The following KLF13 variants were observed in gnomAD, a reference collection of about 807,000 sequenced individuals.
The protein encoded by KLF13 is KLF transcription factor 13.
A neutral mutation model predicts 16.7 loss-of-function variants in KLF13; 8 were observed. The observed-to-expected ratio is 0.48, with a 90% CI of 0.28 to 0.87. KLF13 has a LOEUF of 0.87. Among genes scored for constraint, KLF13 ranks in the 40% least tolerant of loss-of-function variants. The pLI, the probability that KLF13 is intolerant of heterozygous loss-of-function variation, is 0.10. For synonymous variants in KLF13, 245 were observed against 208.4 expected (o/e 1.18, Z -1.51); for missense variants, 447 against 452.2 (o/e 0.99, Z 0.10).
intron 1 of KLF13, 83 bp from the exon 2 acceptor site, chr15:31,371,927 T>G: frequency 7.0e-7 from 1 of 1,429,276 alleles, no homozygotes; most frequent in Non-Finnish European, 9.4e-7. Flanking sequence ...GACCAGGGTG[T>G]TGGGTGTTGC....
intron 1 of KLF13, among the ~76,000 whole-genome samples, chr15:31,329,962 C>T (rs1163313950): frequency 6.6e-6 from 1 of 152,068 alleles, no homozygotes; most frequent in East Asian, 1.9e-4. Flanking sequence ...TTACCGGTAC[C>T]CCAGGTGACC....
intron 1 of KLF13, among the ~76,000 whole-genome samples, chr15:31,355,439 G>A (rs1177640686): frequency 1.3e-5 from 2 of 152,152 alleles, no homozygotes; most frequent in Non-Finnish European, 2.9e-5. Context: ...TAGTGCATGT[G>A]GTAATACACA....
chr15:31,369,276 C>A (rs56000134), intron 1 of KLF13, among the ~76,000 whole-genome samples: 1 of 152,188 alleles, frequency 6.6e-6, no homozygotes, highest in Non-Finnish European at 1.5e-5. Flanking sequence ...GGTTCTGAAA[C>A]ATTGACAACT....
intron 1 of KLF13, among the ~76,000 whole-genome samples, chr15:31,411,690 C>T (rs575744864): frequency 1.3e-5 from 2 of 151,848 alleles, no homozygotes; most frequent in East Asian, 3.9e-4. Context: ...CAAGCATGAA[C>T]CACTGTGCCT....
At chr15:31,355,796 C>T (rs944408538) in intron 1 of KLF13, among the ~76,000 whole-genome samples, 3 of 152,034 alleles carry the variant, frequency 2.0e-5, no homozygotes, top group Admixed American at 6.5e-5. Flanking sequence ...GCCATTTCTG[C>T]TTGGTTTTCC....
At chr15:31,431,973 C>T (rs190537710) in intron 1 of KLF13, among the ~76,000 whole-genome samples, 3 of 151,782 alleles carry the variant, frequency 2.0e-5, no homozygotes, top group African/African-American at 2.4e-5. Flanking sequence ...GGGAAGGGCA[C>T]GGGGATGGAG....
chr15:31,420,453 C>G (rs751614683), intron 1 of KLF13: 5 of 850,750 alleles, frequency 5.9e-6, no homozygotes, highest in Non-Finnish European at 9.8e-6. Context: ...AACATAGACA[C>G]CCAGGGTAAC....
At chr15:31,422,712 G>A (rs993762694) in intron 1 of KLF13, among the ~76,000 whole-genome samples, 3 of 152,096 alleles carry the variant, frequency 2.0e-5, no homozygotes, top group African/African-American at 7.2e-5. Context: ...ACTGTCACAA[G>A]AGACAAAAAT....
At chr15:31,340,379 C>A (rs529812899) in intron 1 of KLF13, among the ~76,000 whole-genome samples, 1 of 152,236 alleles carries the variant, frequency 6.6e-6, no homozygotes, top group South Asian at 2.1e-4. Context: ...AGCCTCCTGG[C>A]CTTTCCAGGT....
intron 1 of KLF13, among the ~76,000 whole-genome samples, chr15:31,416,073 T>C (rs758705003): frequency 4.6e-5 from 7 of 152,030 alleles, no homozygotes; most frequent in Non-Finnish European, 1.0e-4. Context: ...AACAACAAAT[T>C]AGATAAAACT....
At chr15:31,370,456 T>C (rs1454753156) in intron 1 of KLF13, among the ~76,000 whole-genome samples, 1 of 152,012 alleles carries the variant, frequency 6.6e-6, no homozygotes, top group Non-Finnish European at 1.5e-5. Context: ...CCTTGCTCTC[T>C]TGCCCAGGCT....
Position 31,372,064 on chromosome 15 carries a change from C to A in KLF13, c.632C>A (p.Ser211Tyr). Residue 211 changes from serine (S) to tyrosine (Y), a missense_variant, in exon 2 of 2, where the codon TCC becomes TAC. This residue lies in a region of KLF13 where 88 missense variants were observed against 169.5 expected (regional missense o/e 0.52). Transcript: ENST00000307145. ...GACTGCAACAAGAAGTTCGCGCGCT[C>A]CGACGAGCTGGCGCGGCACTACCGC... ...WQDCNKKFAR[S>Y]DELARHYRTH... is the part of the protein sequence containing the mutation. 1 of 1,612,464 alleles carries A rather than the reference C, an allele frequency of 6.2e-7. No individual in the cohort carries two copies. Among genetic ancestry groups the A allele is most frequent in the Non-Finnish European group, 8.5e-7 (1 of 1,179,806 alleles).
intron 2 of KLF13, among the ~76,000 whole-genome samples, chr15:31,395,729 C>T (rs1367729266): frequency 2.0e-5 from 3 of 152,014 alleles, no homozygotes; most frequent in African/African-American, 4.8e-5. Flanking sequence ...TGCATTTCCC[C>T]GATGGCAACA....
chr15:31,347,873 G>A (rs1414568980), intron 1 of KLF13, among the ~76,000 whole-genome samples: 1 of 152,200 alleles, frequency 6.6e-6, no homozygotes, highest in Admixed American at 6.5e-5. Flanking sequence ...GAACAGGAAG[G>A]TGTGTTGTTG....
chr15:31,384,646 C>T (rs1399634898), intron 1 of KLF13, among the ~76,000 whole-genome samples: 3 of 152,122 alleles, frequency 2.0e-5, no homozygotes, highest in Admixed American at 2.0e-4. Context: ...CACTTCATCC[C>T]CCAAAAGATG....
chr15:31,421,800 T>G (rs2040328338), intron 1 of KLF13, among the ~76,000 whole-genome samples: 2 of 152,158 alleles, frequency 1.3e-5, no homozygotes, highest in Admixed American at 1.3e-4. Context: ...TCAGTAATTT[T>G]TATATGTGTA....
rs372933482 is a variant in KLF13 at position 31,371,504 on chromosome 15, T to C, written c.578-506T>C. Among the ~76,000 whole-genome samples the C allele has an allele frequency of 1.9e-4, 29 of 152,354 alleles. No homozygotes were observed. In the South Asian group the frequency reaches 5.0e-3, roughly 26 times the overall value. ...GAACTCACCTACGCTGACCCTCTCA[T>C]GTGACAGACTAGACTGAGGAGGGTC... On this transcript the variant is annotated intron_variant, in intron 1 of 1. Transcript: ENST00000307145.
At chr15:31,392,520 C>A (rs577170486), upstream of KLF13, among the ~76,000 whole-genome samples, 2 of 152,316 alleles carry the variant, frequency 1.3e-5, no homozygotes, top group African/African-American at 4.8e-5. Context: ...AGGACCCTGA[C>A]GGCGCATCCT....
intron 1 of KLF13, among the ~76,000 whole-genome samples, chr15:31,411,710 A>G (rs1163653606): frequency 6.6e-6 from 1 of 152,096 alleles, no homozygotes; most frequent in Admixed American, 6.6e-5. Flanking sequence ...TGGCCCAAAC[A>G]AAAATTTTTT....
Sources: allele counts gnomAD v4.1 joint callset (sites outside exome capture counted in the v4.1 genomes callset), GRCh38; gene constraint gnomAD v4.1.1; regional missense constraint gnomAD v4.1.1; transcripts MANE v1.5; gene names NCBI Gene and HGNC (gene_info 2026-07-23, HGNC 2026-07-21).